Variants in LHFPL3 observed in about 807,000 individuals in gnomAD.
LHFPL3 encodes LHFPL tetraspan subfamily member 3 protein.
Under a neutral mutation model 19.3 loss-of-function variants are expected in LHFPL3, and 5 were observed. The observed-to-expected ratio is 0.26, with a 90% CI of 0.14 to 0.54. LHFPL3 has a LOEUF of 0.54. LHFPL3 is among the 20% of genes least tolerant of loss of function. The probability of loss-of-function intolerance (pLI) is 0.94; values close to 1 mark genes in which losing one functional copy is unlikely to be tolerated. For missense variants in LHFPL3, 249 were observed against 307.4 expected, an observed-to-expected ratio of 0.81 and a Z score of 1.42; for synonymous variants, 133 against 126.2, an observed-to-expected ratio of 1.05 and a Z score of -0.36.
At chr7:104,714,315 A>G (rs1392308189) in intron 1 of LHFPL3, among the ~76,000 whole-genome samples, 1 of 152,208 alleles carries the variant, frequency 6.6e-6, no homozygotes, top group African/African-American at 2.4e-5. Flanking sequence ...AATAAAAATA[A>G]AAGTTATTGG....
chr7:104,601,029 G>A (rs185051134), intron 1 of LHFPL3, among the ~76,000 whole-genome samples: 48 of 152,310 alleles, frequency 3.2e-4, no homozygotes, highest in Non-Finnish European at 5.1e-4. Flanking sequence ...ACTGGCAATG[G>A]AGCCAATTCT....
At chr7:104,560,709 C>A (rs1387928075) in intron 1 of LHFPL3, among the ~76,000 whole-genome samples, 6 of 147,712 alleles carry the variant, frequency 4.1e-5, no homozygotes, top group African/African-American at 1.3e-4. Flanking sequence ...TTAGTTATTT[C>A]TTGCCTTCTG....
intron 1 of LHFPL3, among the ~76,000 whole-genome samples, chr7:104,640,076 T>C (rs891284491): frequency 6.6e-6 from 1 of 152,228 alleles, no homozygotes; most frequent in African/African-American, 2.4e-5. Context: ...TTGGGTTTCC[T>C]ATAGAACCAG....
chr7:104,645,664 T>TTTC (rs1791919891), intron 1 of LHFPL3, among the ~76,000 whole-genome samples: 1 of 131,626 alleles, frequency 7.6e-6, no homozygotes, highest in Non-Finnish European at 1.6e-5. Flanking sequence ...CTTTTTTTTT[T>TTTC]TTTTTTTTTT....
In LHFPL3 at chr7:104,455,355, C is replaced by T. The variant is rs115425074; in HGVS notation, c.445+126131C>T. On this transcript the variant is annotated intron_variant, in intron 1 of 2. Transcript: ENST00000424859. ...AATTTGGACAATTATACATGGTAAG[C>T]GCTTCTAAAAAACAGAATCTAAAAC... is the stretch of plus-strand genomic sequence containing the variant. Among the ~76,000 whole-genome samples, 348 of 147,798 alleles carry T rather than the reference C, an allele frequency of 2.4e-3. 2 individuals are homozygous for T. The highest frequency in any genetic ancestry group is 8.2e-3 in the African/African-American group (329 of 40,264).
intron 2 of LHFPL3, among the ~76,000 whole-genome samples, chr7:104,781,601 A>G (rs1166531273): frequency 1.3e-5 from 2 of 151,714 alleles, no homozygotes; most frequent in South Asian, 4.2e-4. Context: ...ACCTGCATCT[A>G]CCCTCTTTCT....
chr7:104,867,705 G>A (rs974348874), intron 2 of LHFPL3, among the ~76,000 whole-genome samples: 14 of 152,110 alleles, frequency 9.2e-5, no homozygotes, highest in African/African-American at 3.4e-4. Flanking sequence ...AGAAAAAGAG[G>A]GAATCCTCCC....
chr7:104,768,916 A>G (rs1182532054), intron 2 of LHFPL3: 1 of 152,228 alleles, frequency 6.6e-6, no homozygotes, highest in Admixed American at 6.5e-5. Context: ...GGGATGCCTG[A>G]ACAAAACTTC....
chr7:104,360,174 G>A (rs1181110849), intron 1 of LHFPL3, among the ~76,000 whole-genome samples: 3 of 152,336 alleles, frequency 2.0e-5, no homozygotes, highest in East Asian at 3.9e-4. Context: ...GTGATCCAGG[G>A]AAGCCACGCA....
chr7:104,580,645 T>C (rs946517750), intron 1 of LHFPL3, among the ~76,000 whole-genome samples: 4 of 152,060 alleles, frequency 2.6e-5, no homozygotes, highest in African/African-American at 9.7e-5. Context: ...AACTCAAACA[T>C]CTATAAAGAT....
intron 1 of LHFPL3, among the ~76,000 whole-genome samples, chr7:104,365,686 C>T (rs1790473120): frequency 6.9e-6 from 1 of 145,784 alleles, no homozygotes; most frequent in African/African-American, 2.5e-5. Flanking sequence ...GAGGCTGAGG[C>T]AGGAGAATGG....
At chr7:104,490,661 A>G (rs1432789376) in intron 1 of LHFPL3, among the ~76,000 whole-genome samples, 1 of 152,208 alleles carries the variant, frequency 6.6e-6, no homozygotes, top group Non-Finnish European at 1.5e-5. Context: ...ACGGATATCA[A>G]CTAAACCCCC....
chr7:104,498,567 C>T (rs559651005), intron 1 of LHFPL3, among the ~76,000 whole-genome samples: 1 of 151,358 alleles, frequency 6.6e-6, no homozygotes, highest in African/African-American at 2.4e-5. Flanking sequence ...CTCACTCTGC[C>T]TCCAGGTTCA....
At chr7:104,709,748 C>T (rs1171634050) in intron 1 of LHFPL3, among the ~76,000 whole-genome samples, 14 of 152,134 alleles carry the variant, frequency 9.2e-5, no homozygotes, top group Admixed American at 5.2e-4. Flanking sequence ...CTGTTGGGTA[C>T]ACCTCCCAGA....
chr7:104,498,594 C>T (rs1208182032), intron 1 of LHFPL3, among the ~76,000 whole-genome samples: 2 of 150,746 alleles, frequency 1.3e-5, no homozygotes. Context: ...TCTTGTGCCT[C>T]GGCCACCCAA....
At chr7:104,741,006 C>G (rs577863766) in intron 2 of LHFPL3, among the ~76,000 whole-genome samples, 1 of 152,196 alleles carries the variant, frequency 6.6e-6, no homozygotes, top group African/African-American at 2.4e-5. Flanking sequence ...GAACTATGCT[C>G]TACTCACAGA....
At chr7:104,830,101 A>C (rs1790921668) in intron 2 of LHFPL3, among the ~76,000 whole-genome samples, 1 of 151,698 alleles carries the variant, frequency 6.6e-6, no homozygotes, top group Non-Finnish European at 1.5e-5. Context: ...GCATTTTTTC[A>C]TGTGTCTTTT....
intron 2 of LHFPL3, among the ~76,000 whole-genome samples, chr7:104,756,524 C>T (rs982589385): frequency 3.3e-5 from 5 of 152,012 alleles, no homozygotes; most frequent in African/African-American, 1.2e-4. Flanking sequence ...TATTTTTAGA[C>T]AGTCTCACTC....
intron 1 of LHFPL3, among the ~76,000 whole-genome samples, chr7:104,417,654 A>G (rs1791648067): frequency 6.6e-6 from 1 of 152,302 alleles, no homozygotes; most frequent in Admixed American, 6.5e-5. Flanking sequence ...TATATGTAAA[A>G]TATCTAAGAA....
Sources: allele counts gnomAD v4.1 joint callset (sites outside exome capture counted in the v4.1 genomes callset), GRCh38; gene constraint gnomAD v4.1.1; transcripts MANE v1.5; gene names NCBI Gene and HGNC (gene_info 2026-07-23, HGNC 2026-07-21).